TSPAN11: variants seen among roughly 807,000 people sequenced by gnomAD.
TSPAN11 encodes the protein tetraspanin-11.
In TSPAN11, 29 loss-of-function variants were observed where a neutral mutation model predicts 32.9. That is an observed-to-expected ratio of 0.88 (90% CI 0.66 to 1.20). TSPAN11 has a LOEUF of 1.20. Among genes scored for constraint, TSPAN11 ranks in the 50% most tolerant of loss-of-function variants. TSPAN11 has a pLI of 0.00. For synonymous variants in TSPAN11, 140 were observed against 141.3 expected, an observed-to-expected ratio of 0.99 and a Z score of 0.07; for missense variants, 283 against 329.1, an observed-to-expected ratio of 0.86 and a Z score of 1.08.
At chr12:30,939,380 G>A (rs951135872) in intron 1 of TSPAN11, among the ~76,000 whole-genome samples, 38 of 152,280 alleles carry the variant, frequency 2.5e-4, no homozygotes, top group African/African-American at 8.7e-4. Context: ...CCAGAGTCTG[G>A]GAGAGGTGCC....
At chr12:30,926,962 G>A in intron 1 of TSPAN11, 166 bp downstream of exon 1, 1 of 1,280,662 alleles carries the variant, frequency 7.8e-7, no homozygotes, top group African/African-American at 1.5e-5. Context: ...ATGAGGAGTG[G>A]AGGAGGCAGG....
At chr12:30,935,441 T>C (rs1251666056) in intron 1 of TSPAN11, among the ~76,000 whole-genome samples, 1 of 142,868 alleles carries the variant, frequency 7.0e-6, no homozygotes, top group Non-Finnish European at 1.5e-5. Context: ...TGGAGTGCAA[T>C]GGCGTGACCT....
intron 1 of TSPAN11, among the ~76,000 whole-genome samples, chr12:30,944,056 G>A (rs1348551416): frequency 6.6e-6 from 1 of 152,124 alleles, no homozygotes; most frequent in Non-Finnish European, 1.5e-5. Flanking sequence ...GTGGGGAGTG[G>A]AGTCTAGCTT....
chr12:31,005,616 A>G, the TSPAN11 span, among the ~76,000 whole-genome samples: 1 of 152,174 alleles, frequency 6.6e-6, no homozygotes, highest in Middle Eastern at 3.2e-3. Context: ...CCCCTCCACC[A>G]CTGAGAAGGC....
intron 2 of TSPAN11, among the ~76,000 whole-genome samples, chr12:30,960,684 C>T (rs1455565173): frequency 4.6e-5 from 7 of 151,982 alleles, no homozygotes; most frequent in Non-Finnish European, 1.0e-4. Context: ...GCATCCTTGT[C>T]GCCTGGCTTC....
rs1365006268 is a variant in TSPAN11 at position 30,992,327 on chromosome 12, T to C, written c.*412T>C. The C allele has an allele frequency of 1.7e-5, 4 of 235,570 alleles. No individual in the cohort carries two copies. The South Asian group carries it at 2.2e-4, about 13-fold the overall frequency. The allele number at this position is 235,570 out of a possible 1,614,324, so 14.6% of individuals were successfully genotyped here. A position where few individuals can be genotyped will look rare whatever the true frequency, so the allele number is the denominator to read the frequency against. On this transcript the variant is annotated 3_prime_UTR_variant, in exon 8 of 8. Coordinates refer to ENST00000546076, the MANE Select transcript of TSPAN11 (RefSeq NM_001370302.1). ...ATTCAGCACGGGATTCCCCCACCCA[T>C]GCCCAGAAGCCCTGACCTTGCTGTT...
At chr12:30,979,030 G>A (rs1851160614) in intron 4 of TSPAN11, 1 of 268,870 alleles carries the variant, frequency 3.7e-6, no homozygotes, top group Non-Finnish European at 7.2e-6. Flanking sequence ...CAAGGATGGA[G>A]TGAGTCCTAG....
intron 1 of TSPAN11, among the ~76,000 whole-genome samples, chr12:30,937,954 C>T (rs1397796745): frequency 2.0e-5 from 3 of 152,316 alleles, no homozygotes; most frequent in East Asian, 3.9e-4. Flanking sequence ...TGTGCATGAG[C>T]AGTATTTTAA....
In TSPAN11 at chr12:30,995,524, T is replaced by C. The variant is rs527625034; in HGVS notation, c.*3609T>C. ...GGGGGAATATGGTAGATCATTGTGA[T>C]GTGCCTCGGGGCCCTCTTGCCTTGG... On this transcript the variant is annotated 3_prime_UTR_variant, in exon 8 of 8. Coordinates refer to ENST00000546076, the MANE Select transcript of TSPAN11 (RefSeq NM_001370302.1). 2 of 152,400 alleles carry C rather than the reference T, an allele frequency of 1.3e-5. No homozygotes were observed. Among genetic ancestry groups the C allele is most frequent in the South Asian group, 2.1e-4 (1 of 4,828 alleles). The allele number at this position is 152,400 out of a possible 1,614,324, so 9.4% of individuals were successfully genotyped here. A position where few individuals can be genotyped will look rare whatever the true frequency, so the allele number is the denominator to read the frequency against.
the TSPAN11 span, among the ~76,000 whole-genome samples, chr12:31,014,592 G>A: frequency 1.3e-5 from 2 of 152,032 alleles, no homozygotes; most frequent in African/African-American, 4.8e-5. Context: ...TTGCACAACT[G>A]GGAGTTCAAA....
downstream of TSPAN11, among the ~76,000 whole-genome samples, chr12:30,999,820 A>G (rs1939460734): frequency 6.6e-6 from 1 of 152,082 alleles, no homozygotes; most frequent in South Asian, 2.1e-4. Flanking sequence ...GGTACTAACC[A>G]CAGGCCACTG....
the TSPAN11 span, among the ~76,000 whole-genome samples, chr12:31,007,680 A>T: frequency 6.6e-6 from 1 of 151,470 alleles, no homozygotes; most frequent in Non-Finnish European, 1.5e-5. Flanking sequence ...TCTGTGGGCC[A>T]GGGCCAGGCC....
At chr12:30,928,878 A>G (rs549802100) in intron 1 of TSPAN11, among the ~76,000 whole-genome samples, 4 of 152,108 alleles carry the variant, frequency 2.6e-5, no homozygotes, top group African/African-American at 7.2e-5. Context: ...GCCACATCCT[A>G]CTACAATGTG....
intron 7 of TSPAN11, among the ~76,000 whole-genome samples, chr12:30,989,325 C>T (rs971091264): frequency 2.0e-5 from 3 of 152,036 alleles, no homozygotes; most frequent in Non-Finnish European, 4.4e-5. Flanking sequence ...TGAAGGAGCC[C>T]GATAGGCAAT....
At chr12:30,984,378 G>A (rs1376024861) in intron 7 of TSPAN11, among the ~76,000 whole-genome samples, 2 of 152,066 alleles carry the variant, frequency 1.3e-5, no homozygotes, top group African/African-American at 2.4e-5. Context: ...AGAATGAGGC[G>A]ATGCCTGCAA....
At chr12:30,970,524 A>G (rs900599062) in intron 3 of TSPAN11, among the ~76,000 whole-genome samples, 1 of 151,992 alleles carries the variant, frequency 6.6e-6, no homozygotes, top group East Asian at 1.9e-4. Flanking sequence ...CCCAAGACCC[A>G]GTTTTTTTCC....
chr12:31,000,240 A>C (rs1011567599), downstream of TSPAN11, among the ~76,000 whole-genome samples: 8 of 152,160 alleles, frequency 5.3e-5, no homozygotes, highest in African/African-American at 1.7e-4. Context: ...GAGCAAACTG[A>C]GGCATGGGGA....
At chr12:31,003,304 T>C in the TSPAN11 span, among the ~76,000 whole-genome samples, 2 of 152,216 alleles carry the variant, frequency 1.3e-5, no homozygotes, top group African/African-American at 4.8e-5. Context: ...GGCAAGGGGC[T>C]TGGAGGAACA....
chr12:30,959,030 C>T (rs1938556615), intron 2 of TSPAN11, among the ~76,000 whole-genome samples: 1 of 152,128 alleles, frequency 6.6e-6, no homozygotes, highest in Non-Finnish European at 1.5e-5. Flanking sequence ...ATCAAAACAG[C>T]CATAAAGCAG....
Sources: allele counts gnomAD v4.1 joint callset (sites outside exome capture counted in the v4.1 genomes callset), GRCh38; gene constraint gnomAD v4.1.1; transcripts MANE v1.5; gene names NCBI Gene and HGNC (gene_info 2026-07-23, HGNC 2026-07-21).